Variants in TMEM114 observed in about 807,000 individuals in gnomAD.
The protein encoded by TMEM114 is transmembrane protein 114.
TMEM114 carries 6 observed loss-of-function variants against 6.2 expected under a neutral mutation model. The observed-to-expected ratio is 0.97, with a 90% CI of 0.53 to 1.91. The LOEUF (loss-of-function observed/expected upper bound fraction) is 1.91. Ranked by LOEUF, TMEM114 falls within the 40% of genes most tolerant of loss-of-function variation. TMEM114 has a pLI of 0.01. For missense variants in TMEM114, 218 were observed against 158.3 expected (o/e 1.38, Z -2.02); for synonymous variants, 104 against 73.0 (o/e 1.42, Z -2.16).
chr16:8,549,597 C>G (rs906594586), intron 2 of TMEM114, among the ~76,000 whole-genome samples: 1 of 151,794 alleles, frequency 6.6e-6, no homozygotes, highest in East Asian at 1.9e-4. Context: ...AAAGTTCAAC[C>G]TTTTATTCCA....
chr16:8,541,017 C>G (rs189015241), intron 2 of TMEM114, among the ~76,000 whole-genome samples: 3 of 152,082 alleles, frequency 2.0e-5, no homozygotes, highest in South Asian at 2.1e-4. Context: ...GAGACTACAA[C>G]GGGGAGTGTA....
intron 2 of TMEM114, among the ~76,000 whole-genome samples, chr16:8,572,783 G>A (rs577961110): frequency 2.6e-5 from 4 of 152,286 alleles, no homozygotes; most frequent in South Asian, 4.1e-4. Flanking sequence ...ATGATCACAC[G>A]CATCATTAAT....
At chr16:8,559,151 T>C (rs1901117588) in intron 2 of TMEM114, among the ~76,000 whole-genome samples, 1 of 152,130 alleles carries the variant, frequency 6.6e-6, no homozygotes, top group Non-Finnish European at 1.5e-5. Flanking sequence ...CAAGTGATTG[T>C]CCTGCCTCAG....
intron 2 of TMEM114, among the ~76,000 whole-genome samples, chr16:8,574,659 A>T (rs890862534): frequency 1.5e-4 from 22 of 151,478 alleles, no homozygotes; most frequent in African/African-American, 5.1e-4. Context: ...GCAAAAACCT[A>T]GTCCTTTAAA....
chr16:8,546,502 C>A (rs1443883819), intron 2 of TMEM114, among the ~76,000 whole-genome samples: 1 of 152,156 alleles, frequency 6.6e-6, no homozygotes, highest in African/African-American at 2.4e-5. Context: ...CCCAGGGTGC[C>A]AACCTGTTCT....
In TMEM114 at chr16:8,559,132, T is replaced by C. The variant is rs571212237; in HGVS notation, n.213-21306A>G. 2.0e-5 allele frequency among the ~76,000 whole-genome samples: 3 copies of C among 152,136 alleles called. No homozygotes were observed. In the East Asian group the frequency reaches 5.8e-4, roughly 29 times the overall value. On this transcript the variant is annotated intron_variant and non_coding_transcript_variant, in intron 2 of 2. Transcript: ENST00000623677. ...ATCTCGGCTCACTGCAACCTCTTCT[T>C]CCCAGGTTCAAGTGATTGTCCTGCC...
chr16:8,564,693 ATGAG>A (rs1409474271), downstream of TMEM114, among the ~76,000 whole-genome samples: 112 of 28,404 alleles, frequency 3.9e-3, 2 homozygotes, highest in Non-Finnish European at 6.7e-3. Context: ...GAGTGAGTGA[ATGAG>A]TGAGTGAGTG....
chr16:8,540,811 C>T (rs185730619), intron 2 of TMEM114, among the ~76,000 whole-genome samples: 7 of 152,254 alleles, frequency 4.6e-5, no homozygotes, highest in African/African-American at 1.7e-4. Context: ...ACAATTGTTA[C>T]AGAAGAGAGA....
chr16:8,544,625 C>G (rs1468614319), intron 2 of TMEM114, among the ~76,000 whole-genome samples: 1 of 152,216 alleles, frequency 6.6e-6, no homozygotes, highest in Non-Finnish European at 1.5e-5. Context: ...TAAGTTTAGA[C>G]TTTACCCTAC....
intron 2 of TMEM114, among the ~76,000 whole-genome samples, chr16:8,542,149 G>GGT (rs1555461297): frequency 6.6e-6 from 1 of 151,790 alleles, no homozygotes; most frequent in Non-Finnish European, 1.5e-5. Flanking sequence ...TCGTGGGGGG[G>GGT]GGTCCCTTGA....
At chr16:8,529,117 G>A in the TMEM114 span, among the ~76,000 whole-genome samples, 1 of 152,254 alleles carries the variant, frequency 6.6e-6, no homozygotes, top group African/African-American at 2.4e-5. Context: ...CTACCTGGAA[G>A]AGATTGCAGC....
At chr16:8,552,959 C>G (rs1900892540) in intron 2 of TMEM114, among the ~76,000 whole-genome samples, 1 of 152,232 alleles carries the variant, frequency 6.6e-6, no homozygotes, top group South Asian at 2.1e-4. Context: ...TTTAAACTTT[C>G]CCCGAGTGAT....
chr16:8,563,589 A>ACGAG (rs1555463760), intron 2 of TMEM114, among the ~76,000 whole-genome samples: 1 of 144,086 alleles, frequency 6.9e-6, no homozygotes, highest in Admixed American at 6.8e-5. Context: ...GAGTGAGTGA[A>ACGAG]TGAGTGTGTG....
rs1901671453 is a variant in TMEM114, at chr16:8,569,896, G to A, written c.549C>T (p.Ile183=). ...CCAGGGCCAGGGACCAGCCGAAGCT[G>A]ATGTCCACCTGGTCCAGGAGGGCCT... ...EEKALLDQVD[I]SFGWSLALGW... is the part of the protein sequence containing the mutation. The change falls in exon 4 of 4, where the codon ATC becomes ATT. Residue 183 remains isoleucine, a synonymous_variant. Coordinates refer to ENST00000620492, the MANE Select transcript of TMEM114 (RefSeq NM_001146336.2). 6.4e-7 allele frequency: 1 copy of A among 1,551,240 alleles called. No individual in the cohort carries two copies. The highest frequency in any genetic ancestry group is 1.2e-5 in the South Asian group (1 of 84,062).
intron 2 of TMEM114, among the ~76,000 whole-genome samples, chr16:8,588,630 A>T (rs1216616430): frequency 6.6e-6 from 1 of 152,176 alleles, no homozygotes; most frequent in Admixed American, 6.5e-5. Flanking sequence ...CTAAGAACCA[A>T]CCAGGAATAA....
At chr16:8,538,742 G>C (rs940153494) in intron 2 of TMEM114, among the ~76,000 whole-genome samples, 1 of 151,920 alleles carries the variant, frequency 6.6e-6, no homozygotes, top group Non-Finnish European at 1.5e-5. Flanking sequence ...TCCTGACCTC[G>C]TGATCCGCCC....
At chr16:8,529,052 G>A in the TMEM114 span, among the ~76,000 whole-genome samples, 1 of 152,232 alleles carries the variant, frequency 6.6e-6, no homozygotes, top group Admixed American at 6.5e-5. Context: ...GGCACTCTCA[G>A]AAGAGGGCTT....
intron 2 of TMEM114, among the ~76,000 whole-genome samples, chr16:8,563,639 A>AAATG (rs1702994090): frequency 8.1e-6 from 1 of 123,924 alleles, no homozygotes; most frequent in African/African-American, 3.6e-5. Flanking sequence ...GTGAATGAGT[A>AAATG]AATGAGTGAG....
At chr16:8,554,763 T>A (rs1352143519) in intron 2 of TMEM114, among the ~76,000 whole-genome samples, 2 of 152,196 alleles carry the variant, frequency 1.3e-5, no homozygotes, top group Admixed American at 6.5e-5. Flanking sequence ...AGAAGTCCTG[T>A]TCTACGTACT....
Sources: allele counts gnomAD v4.1 joint callset (sites outside exome capture counted in the v4.1 genomes callset), GRCh38; gene constraint gnomAD v4.1.1; transcripts MANE v1.5; gene names NCBI Gene and HGNC (gene_info 2026-07-23, HGNC 2026-07-21).